ENTHD1: variants seen among roughly 807,000 people sequenced by gnomAD.
ENTHD1 encodes the protein ENTH domain-containing protein 1.
In ENTHD1, 23 loss-of-function variants were observed where a neutral mutation model predicts 39.1. The ratio of observed to expected loss-of-function variants is 0.59; its 90% confidence interval spans 0.42 to 0.83. ENTHD1 has a LOEUF of 0.83. ENTHD1 is among the 40% of genes least tolerant of loss of function. The pLI, the probability that ENTHD1 is intolerant of heterozygous loss-of-function variation, is 0.00. For missense variants in ENTHD1, 624 were observed against 705.4 expected (o/e 0.88, Z 1.31); for synonymous variants, 230 against 258.2 (o/e 0.89, Z 1.05).
At chr22:39,805,197 G>A (rs997228637) in intron 5 of ENTHD1, among the ~76,000 whole-genome samples, 10 of 152,200 alleles carry the variant, frequency 6.6e-5, no homozygotes, top group African/African-American at 2.2e-4. Context: ...TTCTGAGGGC[G>A]AAGAAGATTT....
intron 5 of ENTHD1, among the ~76,000 whole-genome samples, chr22:39,816,763 T>C (rs1293572990): frequency 6.6e-6 from 1 of 151,690 alleles, no homozygotes; most frequent in Non-Finnish European, 1.5e-5. Context: ...CTAAAAGCCA[T>C]GAAGAAAAAG....
intron 3 of ENTHD1, among the ~76,000 whole-genome samples, chr22:39,856,409 T>C (rs749905300): frequency 1.3e-5 from 2 of 152,116 alleles, no homozygotes; most frequent in South Asian, 2.1e-4. Flanking sequence ...TTGGTTAGTA[T>C]TGCCAAGTTT....
chr22:39,818,431 C>T (rs1436069855), intron 5 of ENTHD1, among the ~76,000 whole-genome samples: 2 of 152,128 alleles, frequency 1.3e-5, no homozygotes, highest in Non-Finnish European at 2.9e-5. Flanking sequence ...AGTTTCAGGG[C>T]AATGTGTTAC....
intron 2 of ENTHD1, among the ~76,000 whole-genome samples, chr22:39,881,564 C>T (rs562198749): frequency 6.6e-6 from 1 of 152,284 alleles, no homozygotes; most frequent in South Asian, 2.1e-4. Context: ...ACAGGCACTG[C>T]TGAGGATACT....
In ENTHD1 at chr22:39,794,229, G is replaced by A. The variant is rs566310664; in HGVS notation, c.832+26764C>T. ...TATTTTATTTGTAGCTACGGTAAACGGGATTGTCTTCATGATTTCTTTTTA... is the reference window on the plus strand; with the variant it reads ...TATTTTATTTGTAGCTACGGTAAACAGGATTGTCTTCATGATTTCTTTTTA... On this transcript the variant is annotated intron_variant, in intron 5 of 6. Coordinates refer to ENST00000325157, the MANE Select transcript of ENTHD1 (RefSeq NM_152512.4). Among the ~76,000 whole-genome samples, 4 of 152,114 alleles carry A rather than the reference G, an allele frequency of 2.6e-5. No individual in the cohort carries two copies. In the South Asian group the frequency reaches 6.2e-4, roughly 24 times the overall value.
At chr22:39,862,537 ACT>A (rs1483587384) in intron 2 of ENTHD1, among the ~76,000 whole-genome samples, 3 of 142,692 alleles carry the variant, frequency 2.1e-5, no homozygotes, top group East Asian at 4.0e-4. Context: ...AGAGAGCGAG[ACT>A]CTGTCTCAAA....
At chr22:39,755,435 A>G (rs946745107) in intron 6 of ENTHD1, among the ~76,000 whole-genome samples, 2 of 152,294 alleles carry the variant, frequency 1.3e-5, no homozygotes, top group South Asian at 4.1e-4. Context: ...AGAGAGGCAG[A>G]AGCTAGGCTT....
In ENTHD1 at chr22:39,835,869, G is replaced by C. The variant is rs1038706344; in HGVS notation, c.682C>G (p.Leu228Val). 5 of 1,609,252 alleles carry C rather than the reference G, an allele frequency of 3.1e-6. No individual in the cohort carries two copies. The highest frequency in any genetic ancestry group is 4.2e-6 in the Non-Finnish European group (5 of 1,177,382). The change falls in exon 4 of 7, where the codon CTC becomes GTC. Residue 228 changes from leucine to valine, a missense_variant. Transcript: ENST00000325157. ...ETMLSQETLP[L>V]KIHGWKSTED... The stretch of plus-strand genomic sequence containing the variant: ...GTTGATTTCCAACCATGAATCTTGA[G>C]TGGAAGTGTTTCCTGGGACAACATA...
chr22:39,743,214 C>T lies in ENTHD1; in HGVS notation c.*465G>A, dbSNP rs1368420085. On this transcript the variant is annotated 3_prime_UTR_variant, in exon 7 of 7. Transcript: ENST00000325157. ...AGATTTCTGGCCCTTGGTTGCAGAA[C>T]CTAAAACTTGCAAAAGAATGTGTGA... 6.6e-6 allele frequency: 1 copy of T among 152,616 alleles called. No homozygotes were observed. The highest frequency in any genetic ancestry group is 1.9e-4 in the East Asian group (1 of 5,198). 9.5% of individuals were successfully genotyped at this position (152,616 alleles called of 1,614,324 possible).
intron 6 of ENTHD1, among the ~76,000 whole-genome samples, chr22:39,755,086 G>T (rs1466307858): frequency 6.6e-6 from 1 of 152,192 alleles, no homozygotes; most frequent in Non-Finnish European, 1.5e-5. Context: ...TGCTGGGGAT[G>T]CAATAAGAAA....
intron 4 of ENTHD1, among the ~76,000 whole-genome samples, chr22:39,824,355 G>A (rs1376780619): frequency 6.6e-6 from 1 of 151,602 alleles, no homozygotes; most frequent in Non-Finnish European, 1.5e-5. Context: ...GATTACAGGC[G>A]CATGCCACCA....
chr22:39,804,007 G>A (rs556025614), intron 5 of ENTHD1, among the ~76,000 whole-genome samples: 1 of 149,820 alleles, frequency 6.7e-6, no homozygotes, highest in African/African-American at 2.5e-5. Flanking sequence ...ATAAAAAATA[G>A]AAAAAAATCA....
chr22:39,824,201 CTTTTT>C (rs71197195), intron 4 of ENTHD1, among the ~76,000 whole-genome samples: 1 of 71,414 alleles, frequency 1.4e-5, no homozygotes. Context: ...TTGTCCAGTT[CTTTTT>C]TTTTTTTTTT....
chr22:39,875,704 C>T lies in ENTHD1; in HGVS notation c.349+11696G>A, dbSNP rs1849464264. On this transcript the variant is annotated intron_variant, in intron 2 of 6. Transcript: ENST00000325157. ...AGAATGCCGTCACCCAGTTCGTTTCCAGCATGAGTGCTTCTGCTGATGTGT... is the reference window on the plus strand; with the variant it reads ...AGAATGCCGTCACCCAGTTCGTTTCTAGCATGAGTGCTTCTGCTGATGTGT... The T allele has an allele frequency of 3.1e-6, 5 of 1,612,624 alleles. No individual in the cohort carries two copies. The Admixed American group carries it at 6.7e-5, about 22-fold the overall frequency.
intron 2 of ENTHD1, among the ~76,000 whole-genome samples, chr22:39,872,850 C>CTT (rs35796089): frequency 1.2e-4 from 17 of 140,082 alleles, no homozygotes; most frequent in Non-Finnish European, 1.3e-4. Flanking sequence ...AGTAAAATCA[C>CTT]TTTTTTTTTT....
chr22:39,790,463 T>G (rs545699239), intron 5 of ENTHD1, among the ~76,000 whole-genome samples: 2 of 152,172 alleles, frequency 1.3e-5, no homozygotes, highest in Non-Finnish European at 2.9e-5. Flanking sequence ...AGGTGGCTAT[T>G]TTTGACACCT....
At chr22:39,792,346 C>T (rs377442828) in intron 5 of ENTHD1, among the ~76,000 whole-genome samples, 3 of 152,078 alleles carry the variant, frequency 2.0e-5, no homozygotes, top group Admixed American at 6.6e-5. Context: ...ATTTACACTC[C>T]CACCCCACCT....
At chr22:39,843,900 C>T (rs2065966585) in intron 3 of ENTHD1, among the ~76,000 whole-genome samples, 1 of 152,130 alleles carries the variant, frequency 6.6e-6, no homozygotes, top group South Asian at 2.1e-4. Flanking sequence ...TCAAGAGTGC[C>T]TTGATCTTGA....
intron 5 of ENTHD1, among the ~76,000 whole-genome samples, chr22:39,806,772 C>T (rs1416100221): frequency 6.6e-6 from 1 of 152,040 alleles, no homozygotes; most frequent in Admixed American, 6.6e-5. Flanking sequence ...GAACAATAGC[C>T]CCTGCCTTCC....
Sources: gnomAD v4.1 joint callset for allele counts (sites outside exome capture counted in the v4.1 genomes callset) on GRCh38, gnomAD v4.1.1 for gene constraint, MANE v1.5 for transcripts, NCBI Gene and HGNC (gene_info 2026-07-23, HGNC 2026-07-21) for gene names.